The following CRIP2 variants were observed in gnomAD, a reference collection of about 807,000 sequenced individuals.
CRIP2 encodes cysteine-rich protein 2.
A neutral mutation model predicts 31.3 loss-of-function variants in CRIP2; 31 were observed. The ratio of observed to expected loss-of-function variants is 0.99; its 90% CI spans 0.74 to 1.34. The LOEUF is 1.34. Among genes scored for constraint, CRIP2 ranks in the 40% most tolerant of loss-of-function variants. CRIP2 has a pLI of 0.00. For synonymous variants in CRIP2, 177 were observed against 127.2 expected (o/e 1.39, Z -2.63); for missense variants, 389 against 301.6 (o/e 1.29, Z -2.15).
Position 105,478,239 on chromosome 14 carries a change from G to C in CRIP2, c.44-27G>C. On this transcript the variant is annotated intron_variant, in intron 1 of 7. Coordinates refer to ENST00000329146, the MANE Select transcript of CRIP2 (RefSeq NM_001312.4). The surrounding 1 kb of genome is among the most constrained non-coding windows in gnomAD (Gnocchi z 4.9). ...GGGGTGCGGGGCGCGCCCCGGCCCT[G>C]ACCCCCCTGCCGCCCCTCCCGCTCA... 1 of 1,506,256 alleles carries C rather than the reference G, an allele frequency of 6.6e-7. No homozygotes were observed. The highest frequency in any genetic ancestry group is 8.9e-7 in the Non-Finnish European group (1 of 1,127,676). The allele number at this position is 1,506,256 out of a possible 1,614,324, so 93.3% of individuals were successfully genotyped here.
In CRIP2 at chr14:105,478,371, C is replaced by T; in HGVS notation, c.138+11C>T. On this transcript the variant is annotated intron_variant, in intron 2 of 7. Transcript: ENST00000329146. The surrounding 1 kb of genome is among the most constrained non-coding windows in gnomAD (Gnocchi z 4.9). ...GGGGGCCACGCCGAGGTGAGCCCCA[C>T]TGCGCGGCGCGGGCGGGGGCGGGGG... 6.3e-7 allele frequency: 1 copy of T among 1,576,244 alleles called. No individual in the cohort carries two copies. Among genetic ancestry groups the T allele is most frequent in the Non-Finnish European group, 8.6e-7 (1 of 1,162,916 alleles).
chr14:105,473,626 GC>G (rs1222822283), upstream of CRIP2: 5 of 1,319,034 alleles, frequency 3.8e-6, no homozygotes, highest in East Asian at 1.3e-4. Flanking sequence ...TGTCTCCCAG[GC>G]CGACGCTCAG....
chr14:105,474,958 G>A lies in CRIP2; in HGVS notation c.43+53G>A. 2.1e-6 allele frequency: 3 copies of A among 1,455,920 alleles called. No individual in the cohort carries two copies. Among genetic ancestry groups the A allele is most frequent in the Non-Finnish European group, 2.7e-6 (3 of 1,099,402 alleles). The allele number at this position is 1,455,920 out of a possible 1,614,324, so 90.2% of individuals were successfully genotyped here. On this transcript the variant is annotated intron_variant, in intron 1 of 7. Transcript: ENST00000329146. This position sits in a 1 kb window ranked among gnomAD's most constrained non-coding sequence, Gnocchi z 5.1. ...TCGGTGCATCCCGCCGCCCTTCGCG[G>A]CCAGTCCCGCGCCGCAGAGCCGCGG...
Position 105,474,842 on chromosome 14 carries a change from G to A in CRIP2, c.-21G>A. On this transcript the variant is annotated 5_prime_UTR_variant, in exon 1 of 8. Transcript: ENST00000329146. The surrounding 1 kb of genome is among the most constrained non-coding windows in gnomAD (Gnocchi z 5.1). ...CGGAGGAGAACGGGCGGAGGGCGCG[G>A]GCCGACCGGGCGCACCGACCATGGC... The A allele has an allele frequency of 6.8e-7, 1 of 1,471,362 alleles. No homozygotes were observed. The highest frequency in any genetic ancestry group is 1.3e-5 in the South Asian group (1 of 77,272). 91.1% of individuals were successfully genotyped at this position (1,471,362 alleles called of 1,614,324 possible). A position where few individuals can be genotyped will look rare whatever the true frequency, so the allele number is the denominator to read the frequency against.
At chr14:105,479,343 C>G in intron 6 of CRIP2, 93 bp from the exon 7 acceptor site, 2 of 1,570,800 alleles carry the variant, frequency 1.3e-6, no homozygotes, top group Non-Finnish European at 1.7e-6. Flanking sequence ...CCCTCTCCCC[C>G]ACGGCGAGCC....
At chr14:105,476,453 G>C in intron 1 of CRIP2, 1 of 985,556 alleles carries the variant, frequency 1.0e-6, no homozygotes, top group Non-Finnish European at 1.2e-6. Flanking sequence ...AGCACATTGA[G>C]GAGGCCACCC....
At chr14:105,475,136 C>T (rs1484478247) in intron 1 of CRIP2, among the ~76,000 whole-genome samples, 4 of 152,112 alleles carry the variant, frequency 2.6e-5, no homozygotes, top group African/African-American at 9.7e-5. Context: ...CTTGTGGGGG[C>T]GGGGCAGGGA....
chr14:105,478,995 T>C lies in CRIP2; in HGVS notation c.354T>C (p.Thr118=). The change falls in exon 5 of 8, where the codon ACT becomes ACC. Residue 118 remains threonine (T), a synonymous_variant. Coordinates refer to ENST00000329146, the MANE Select transcript of CRIP2 (RefSeq NM_001312.4). This position sits in a 1 kb window ranked among gnomAD's most constrained non-coding sequence, Gnocchi z 4.9. ...KGPSRASSVT[T]FTGEPNTCPR... ...GCCCCACAGCCTCCAGTGTCACCAC[T>C]TTCACCGGGGAGCCCAACACGTGCC... 2 of 1,570,358 alleles carry C rather than the reference T, an allele frequency of 1.3e-6. No homozygotes were observed. The highest frequency in any genetic ancestry group is 4.7e-5 in the East Asian group (2 of 42,316).
upstream of CRIP2, chr14:105,473,327 CGG>C (rs782118836): frequency 1.0e-4 from 5 of 48,912 alleles, no homozygotes; most frequent in Non-Finnish European, 1.5e-4. Flanking sequence ...GTCAGTCGGG[CGG>C]GGGGGCGGGG....
chr14:105,479,255 G>A, intron 6 of CRIP2, 36 bp downstream of exon 6: 1 of 1,574,444 alleles, frequency 6.4e-7, no homozygotes, highest in Non-Finnish European at 8.6e-7. Context: ...GGGCCGGGCA[G>A]GGGCGCGGGG....
intron 1 of CRIP2, among the ~76,000 whole-genome samples, chr14:105,477,816 GGC>G (rs2083974396): frequency 8.2e-6 from 1 of 122,018 alleles, no homozygotes; most frequent in African/African-American, 3.3e-5. Flanking sequence ...GGGGGAGGCG[GGC>G]GTGTGGGGGA....
chr14:105,478,406 C>T lies in CRIP2; in HGVS notation c.139-44C>T, dbSNP rs2084000387. 1.3e-6 allele frequency: 2 copies of T among 1,584,264 alleles called. No individual in the cohort carries two copies. The highest frequency in any genetic ancestry group is 2.3e-5 in the South Asian group (2 of 88,712). ...CGGGCGGGGGCGGGGGTCGCGACTC[C>T]CGCCACCCTCAGGCAGGGTCCTGAC... On this transcript the variant is annotated intron_variant, in intron 2 of 7. Transcript: ENST00000329146. This position sits in a 1 kb window ranked among gnomAD's most constrained non-coding sequence, Gnocchi z 4.9.
At chr14:105,473,619 C>A (rs587715478), upstream of CRIP2, 9 of 1,346,168 alleles carry the variant, frequency 6.7e-6, no homozygotes, top group African/African-American at 1.2e-4. Flanking sequence ...ATCTGCCTGT[C>A]TCCCAGGCCG....
Position 105,479,647 on chromosome 14 carries a change from G to T in CRIP2, c.621G>T (p.Gln207His). Reference protein sequence around the residue: ...IYDRDPEGKVQP With the variant: ...IYDRDPEGKVHP ...ACCGGGACCCCGAAGGCAAGGTCCA[G>T]CCCTAGGCTACAGCGGCTCTCATGA... Residue 207 changes from glutamine (Q) to histidine (H), a missense_variant, in exon 8 of 8, where the codon CAG (glutamine) becomes CAT (histidine). Coordinates refer to ENST00000329146, the MANE Select transcript of CRIP2 (RefSeq NM_001312.4). 6.2e-7 allele frequency: 1 copy of T among 1,612,216 alleles called. No individual in the cohort carries two copies. Among genetic ancestry groups the T allele is most frequent in the Non-Finnish European group, 8.5e-7 (1 of 1,179,718 alleles).
chr14:105,473,639 T>TG, upstream of CRIP2: 1 of 1,260,730 alleles, frequency 7.9e-7, no homozygotes, highest in South Asian at 1.5e-5. Flanking sequence ...GACGCTCAGC[T>TG]GGGGCCAGAA....
chr14:105,474,972 G>A lies in CRIP2; in HGVS notation c.43+67G>A. 3.6e-6 allele frequency: 5 copies of A among 1,400,932 alleles called. No homozygotes were observed. The highest frequency in any genetic ancestry group is 4.7e-6 in the Non-Finnish European group (5 of 1,071,924). The allele number at this position is 1,400,932 out of a possible 1,614,324, so 86.8% of individuals were successfully genotyped here. A position where few individuals can be genotyped will look rare whatever the true frequency, so the allele number is the denominator to read the frequency against. ...CGCCCTTCGCGGCCAGTCCCGCGCC[G>A]CAGAGCCGCGGCGTAACTCGGGGTG... On this transcript the variant is annotated intron_variant, in intron 1 of 7. Coordinates refer to ENST00000329146, the MANE Select transcript of CRIP2 (RefSeq NM_001312.4). The surrounding 1 kb of genome is among the most constrained non-coding windows in gnomAD (Gnocchi z 5.1).
chr14:105,478,938 C>T lies in CRIP2; in HGVS notation c.338-41C>T, dbSNP rs1182429462. On this transcript the variant is annotated intron_variant, in intron 4 of 7. Transcript: ENST00000329146. The surrounding 1 kb of genome is among the most constrained non-coding windows in gnomAD (Gnocchi z 4.9). ...GCGGGCTGGGGCTGGGGGTTGTGGG[C>T]ACCCCCGGCCCCGCCCCGCCCTGAC... 12 of 1,528,940 alleles carry T rather than the reference C, an allele frequency of 7.8e-6. No homozygotes were observed. In the African/African-American group the frequency reaches 1.4e-4, roughly 18 times the overall value. The allele number at this position is 1,528,940 out of a possible 1,614,324, so 94.7% of individuals were successfully genotyped here. A position where few individuals can be genotyped will look rare whatever the true frequency, so the allele number is the denominator to read the frequency against.
upstream of CRIP2, chr14:105,473,557 A>G (rs2083877096): frequency 2.6e-6 from 4 of 1,511,404 alleles, no homozygotes; most frequent in African/African-American, 4.1e-5. Context: ...CACAGGGGGA[A>G]GGGTGTCCAG....
intron 1 of CRIP2, 119 bp downstream of exon 1, chr14:105,475,024 A>G: frequency 8.5e-7 from 1 of 1,170,718 alleles, no homozygotes; most frequent in Non-Finnish European, 1.1e-6. Context: ...CGGACCGAGG[A>G]TGCGCGTCCC....
Sources: allele counts gnomAD v4.1 joint callset (sites outside exome capture counted in the v4.1 genomes callset), GRCh38; gene constraint gnomAD v4.1.1; non-coding constraint Gnocchi (gnomAD v3.1); transcripts MANE v1.5; gene names NCBI Gene and HGNC (gene_info 2026-07-23, HGNC 2026-07-21).